LAIR1: variants seen among roughly 807,000 people sequenced by gnomAD.
LAIR1 encodes the protein leukocyte associated immunoglobulin like receptor 1, also known as leukocyte-associated immunoglobulin-like receptor 1.
In LAIR1, 24 loss-of-function variants were observed where a neutral mutation model predicts 32.8. That is an observed-to-expected ratio of 0.73 (90% CI 0.53 to 1.03). The LOEUF (loss-of-function observed/expected upper bound fraction) is 1.03, where lower values mean the gene tolerates loss of function less well. Ranked by LOEUF, LAIR1 falls within the 50% of genes least tolerant of loss-of-function variation. The probability of loss-of-function intolerance (pLI) is 0.00; values close to 1 mark genes in which losing one functional copy is unlikely to be tolerated. For synonymous variants in LAIR1, 150 were observed against 140.5 expected, an observed-to-expected ratio of 1.07 and a Z score of -0.48; for missense variants, 355 against 347.5, an observed-to-expected ratio of 1.02 and a Z score of -0.17.
intron 4 of LAIR1, among the ~76,000 whole-genome samples, chr19:54,359,139 C>G (rs537116001): frequency 2.7e-5 from 4 of 150,134 alleles, no homozygotes; most frequent in Admixed American, 1.3e-4. Context: ...CATGTGGCTT[C>G]AGCCCCTGGT....
At position 54,360,942 on chromosome 19, in the gene LAIR1, C is replaced by T; in HGVS notation, c.338G>A (p.Ser113Asn). Reference protein sequence around the residue: ...YYKPPKWSEQSDYLELLVKES... With the variant: ...YYKPPKWSEQNDYLELLVKES... ...TTTCACCAGCAGCTCCAGGTAGTCA[C>T]TCTGCTCAGACCATTTAGGGGGCTT... is the stretch of plus-strand genomic sequence containing the variant. Residue 113 changes from serine to asparagine, a missense_variant, in exon 3 of 10, where the codon AGT becomes AAT. Coordinates refer to ENST00000391742, the MANE Select transcript of LAIR1 (RefSeq NM_002287.6). The T allele has an allele frequency of 6.2e-7, 1 of 1,614,042 alleles. No individual in the cohort carries two copies. Among genetic ancestry groups the T allele is most frequent in the Non-Finnish European group, 8.5e-7 (1 of 1,179,952 alleles).
At chr19:54,367,169 G>C (rs893962053), upstream of LAIR1, among the ~76,000 whole-genome samples, 4 of 152,186 alleles carry the variant, frequency 2.6e-5, no homozygotes, top group Non-Finnish European at 5.9e-5. Context: ...TAAAAGATGA[G>C]TTTGCATCAG....
Position 54,357,137 on chromosome 19 carries a change from T to C in LAIR1, c.416-171A>G. On this transcript the variant is annotated intron_variant, in intron 4 of 9. Coordinates refer to ENST00000391742, the MANE Select transcript of LAIR1 (RefSeq NM_002287.6). ...GTCTTCTGTGATGATGGAAACTTTC[T>C]ACATCTACTGTCCAGCATGAGAGTC... The C allele has an allele frequency of 1.5e-5, 9 of 601,400 alleles. 1 individual carries two copies. In the South Asian group the frequency reaches 1.8e-4, roughly 12 times the overall value. 37.3% of individuals were successfully genotyped at this position (601,400 alleles called of 1,614,324 possible).
intron 2 of LAIR1, among the ~76,000 whole-genome samples, chr19:54,363,851 C>G (rs55747023): frequency 6.6e-6 from 1 of 151,824 alleles, no homozygotes; most frequent in Non-Finnish European, 1.5e-5. Context: ...GTAGCCAGGA[C>G]GAGTGAATTT....
intron 6 of LAIR1, 22 bp downstream of exon 6, chr19:54,356,469 C>T: frequency 6.2e-7 from 1 of 1,613,284 alleles, no homozygotes; most frequent in African/African-American, 1.3e-5. Context: ...CCAGGTCACC[C>T]CACCCTGCCC....
At position 54,364,896 on chromosome 19, in the gene LAIR1, CG is replaced by C. The variant is rs2082200595; in HGVS notation, c.-93del. 1.9e-6 allele frequency: 3 copies of C among 1,609,174 alleles called. No homozygotes were observed. The highest frequency in any genetic ancestry group is 1.7e-4 in the Middle Eastern group (1 of 6,050). ...ACACAAGCAGACAGGATGTGCTGCC[CG>C]GGGGCCTCCTGCCTATGGGGCTTCC... On this transcript the variant is annotated 5_prime_UTR_variant, in exon 1 of 10. Transcript: ENST00000391742. The surrounding 1 kb of genome is among the most constrained non-coding windows in gnomAD (Gnocchi z 4.8).
rs1475034140 is a variant in LAIR1, at chr19:54,351,896, A to G, written c.*3372T>C. ...AAAAAAAAGTTAAAAAAAAGAAAAA[A>G]AAAGTCCACCCTATAGTTTGTATAA... On this transcript the variant is annotated 3_prime_UTR_variant, in exon 10 of 10. Transcript: ENST00000391742. The G allele has an allele frequency of 6.6e-6, 1 of 152,142 alleles. No individual in the cohort carries two copies. The highest frequency in any genetic ancestry group is 1.5e-5 in the Non-Finnish European group (1 of 68,022). The allele number at this position is 152,142 out of a possible 1,614,324, so 9.4% of individuals were successfully genotyped here.
chr19:54,356,692 C>G, intron 5 of LAIR1, 73 bp from the exon 6 acceptor site: 1 of 1,457,688 alleles, frequency 6.9e-7, no homozygotes, highest in East Asian at 2.3e-5. Flanking sequence ...ACACACGTCA[C>G]GTGCGTTTCA....
chr19:54,367,786 GAC>G (rs2082300336), upstream of LAIR1, among the ~76,000 whole-genome samples: 1 of 125,866 alleles, frequency 7.9e-6, no homozygotes, highest in Non-Finnish European at 1.6e-5. Context: ...TTTTTTTTGA[GAC>G]AGAGTCTCGC....
rs60056748 is a variant in LAIR1 at position 54,352,896 on chromosome 19, T to C, written c.*2372A>G. 124,670 of 152,086 alleles carry C rather than the reference T, an allele frequency of 0.82. 51,656 individuals are homozygous for C. The highest frequency in any genetic ancestry group is 0.88 in the Non-Finnish European group (60,128 of 68,030). The allele number at this position is 152,086 out of a possible 1,614,324, so 9.4% of individuals were successfully genotyped here. A position where few individuals can be genotyped will look rare whatever the true frequency, so the allele number is the denominator to read the frequency against. On this transcript the variant is annotated 3_prime_UTR_variant, in exon 10 of 10. Coordinates refer to ENST00000391742, the MANE Select transcript of LAIR1 (RefSeq NM_002287.6). ...AAAGACGGCTGGACGCAGTGGCTCA[T>C]GCCTGTAATCCCAGGACTTTGGGAG...
chr19:54,358,462 C>T, intron 4 of LAIR1: 1 of 1,149,654 alleles, frequency 8.7e-7, no homozygotes, highest in Non-Finnish European at 1.2e-6. Context: ...TGAAATTCTA[C>T]ATTGCAAATC....
At chr19:54,362,015 C>T (rs1348125096) in intron 2 of LAIR1, among the ~76,000 whole-genome samples, 3 of 151,268 alleles carry the variant, frequency 2.0e-5, no homozygotes, top group Non-Finnish European at 1.5e-5. Flanking sequence ...TCAATTCACT[C>T]GTCCCGTCTT....
At chr19:54,360,893 C>T (rs999029715) in intron 3 of LAIR1, 23 bp downstream of exon 3, 1 of 1,599,500 alleles carries the variant, frequency 6.3e-7, no homozygotes, top group African/African-American at 1.3e-5. Context: ...GAGACTGGGG[C>T]AGGGCCCAGG....
upstream of LAIR1, among the ~76,000 whole-genome samples, chr19:54,367,176 T>C (rs1213356102): frequency 6.6e-6 from 1 of 152,188 alleles, no homozygotes; most frequent in Non-Finnish European, 1.5e-5. Context: ...TGAGTTTGCA[T>C]CAGAATAGTC....
At position 54,370,271 on chromosome 19, in the gene LAIR1, T is replaced by A; in HGVS notation, c.7A>T (p.Arg3Ter). Reference sequence around the variant, plus strand: ...GGTAGCAGGGACTCACCCATTTCTCTTTCCATCTTCTGTCGCGGATGCAAC... The same window carrying A: ...GGTAGCAGGGACTCACCCATTTCTCATTCCATCTTCTGTCGCGGATGCAAC... Residue 3 changes from arginine to a stop codon, truncating the protein, a stop_gained, in exon 1 of 9, where the codon AGA becomes TGA. Coordinates refer to the LAIR1 transcript ENST00000391743. LOFTEE classifies it high-confidence loss of function. 6.5e-7 allele frequency: 1 copy of A among 1,543,404 alleles called. No homozygotes were observed. The highest frequency in any genetic ancestry group is 1.7e-4 in the Middle Eastern group (1 of 5,980).
chr19:54,355,181 C>A lies in LAIR1; in HGVS notation c.*87G>T, dbSNP rs2081636872. On this transcript the variant is annotated 3_prime_UTR_variant, in exon 10 of 10. Coordinates refer to ENST00000391742, the MANE Select transcript of LAIR1 (RefSeq NM_002287.6). This position sits in a 1 kb window ranked among gnomAD's most constrained non-coding sequence, Gnocchi z 4.7. ...GCTGGCTTTCTAGATGAAGAGGAAT[C>A]CAACAGGAAGCCTTCCAAATGGCTG... 1 of 1,298,404 alleles carries A rather than the reference C, an allele frequency of 7.7e-7. No individual in the cohort carries two copies. The highest frequency in any genetic ancestry group is 1.1e-6 in the Non-Finnish European group (1 of 943,884). 80.4% of individuals were successfully genotyped at this position (1,298,404 alleles called of 1,614,324 possible). A position where few individuals can be genotyped will look rare whatever the true frequency, so the allele number is the denominator to read the frequency against.
At chr19:54,358,775 A>T in intron 4 of LAIR1, 2 of 524,526 alleles carry the variant, frequency 3.8e-6, no homozygotes, top group South Asian at 5.8e-5. Context: ...CCTCTGTTTC[A>T]CATGAGGAAT....
At chr19:54,366,194 C>G (rs1028740854), upstream of LAIR1, among the ~76,000 whole-genome samples, 1 of 152,194 alleles carries the variant, frequency 6.6e-6, no homozygotes, top group Non-Finnish European at 1.5e-5. Context: ...TCAGCAATAA[C>G]GTCTTGTTCA....
chr19:54,365,426 T>C (rs1157188597), upstream of LAIR1, among the ~76,000 whole-genome samples: 2 of 152,034 alleles, frequency 1.3e-5, no homozygotes, highest in Non-Finnish European at 2.9e-5. Flanking sequence ...TAGAGAACAG[T>C]GGGGAGGTTC....
Sources: gnomAD v4.1 joint callset for allele counts (sites outside exome capture counted in the v4.1 genomes callset) on GRCh38, gnomAD v4.1.1 for gene constraint, Gnocchi (gnomAD v3.1) non-coding constraint, MANE v1.5 for transcripts, NCBI Gene and HGNC (gene_info 2026-07-23, HGNC 2026-07-21) for gene names.